SHANK2: variants seen among roughly 807,000 people sequenced by gnomAD.
SHANK2 encodes SH3 and multiple ankyrin repeat domains 2.
In SHANK2, 43 loss-of-function variants were observed where a neutral mutation model predicts 133.7. That is an observed-to-expected ratio of 0.32 (90% CI 0.25 to 0.41). The LOEUF is 0.41. Ranked by LOEUF, SHANK2 falls within the 10% of genes least tolerant of loss-of-function variation. The pLI is 1.00. For missense variants in SHANK2, 1,994 were observed against 2,235.8 expected, an observed-to-expected ratio of 0.89 and a Z score of 2.18; for synonymous variants, 1,017 against 952.8, an observed-to-expected ratio of 1.07 and a Z score of -1.24.
intron 5 of SHANK2, among the ~76,000 whole-genome samples, chr11:71,110,471 T>C (rs1951875927): frequency 6.6e-6 from 1 of 151,732 alleles, no homozygotes; most frequent in Admixed American, 6.6e-5. Flanking sequence ...TAGCTAGACG[T>C]GGTGGCACAT....
Position 71,073,136 on chromosome 11 carries a change from C to CTTTTCT in SHANK2, c.1029+2022_1029+2023insAGAAAA, listed in dbSNP as rs1951164763. 9.7e-5 allele frequency among the ~76,000 whole-genome samples: 7 copies of CTTTTCT among 72,330 alleles called. 1 individual carries two copies. Among genetic ancestry groups the CTTTTCT allele is most frequent in the Non-Finnish European group, 2.1e-4 (6 of 28,914 alleles). The allele number at this position is 72,330 out of a possible 152,430, so 47.5% of individuals were successfully genotyped here. On this transcript the variant is annotated intron_variant, in intron 9 of 25. Transcript: ENST00000601538. ...GGAAGGCTTGCTTTTTGTTTTTTTTCTTTTTCTTTTCTTTTTTTTCTTTTT... is the reference window on the plus strand; with the variant it reads ...GGAAGGCTTGCTTTTTGTTTTTTTTCTTTTCTTTTTTCTTTTCTTTTTTTTCTTTTT...
intron 17 of SHANK2, among the ~76,000 whole-genome samples, chr11:70,636,161 A>C (rs1459108109): frequency 3.3e-5 from 5 of 152,246 alleles, no homozygotes; most frequent in African/African-American, 1.2e-4. Context: ...GCTGCACAGC[A>C]TCCTAGTGTG....
chr11:71,113,699 T>A (rs1257169282), intron 4 of SHANK2, among the ~76,000 whole-genome samples: 1 of 152,152 alleles, frequency 6.6e-6, no homozygotes, highest in Non-Finnish European at 1.5e-5. Context: ...CCCAGGGGAA[T>A]GGATCAGCCC....
intron 17 of SHANK2, among the ~76,000 whole-genome samples, chr11:70,612,500 G>A (rs957206119): frequency 3.9e-5 from 6 of 152,214 alleles, no homozygotes; most frequent in African/African-American, 1.4e-4. Flanking sequence ...TGCCTTCTTT[G>A]TACAATTACG....
intron 17 of SHANK2, among the ~76,000 whole-genome samples, chr11:70,538,585 A>C (rs782258914): frequency 1.3e-4 from 20 of 152,212 alleles, no homozygotes; most frequent in Admixed American, 1.3e-4. Context: ...AGGAGGAAGG[A>C]GCAGGATAAC....
intron 2 of SHANK2, among the ~76,000 whole-genome samples, chr11:71,222,034 CG>C (rs1954551668): frequency 6.6e-6 from 1 of 152,046 alleles, no homozygotes; most frequent in Non-Finnish European, 1.5e-5. Context: ...TGAGCATGGC[CG>C]GGTTGGTGAT....
At chr11:70,581,772 A>T (rs1426789435) in intron 17 of SHANK2, among the ~76,000 whole-genome samples, 3 of 152,156 alleles carry the variant, frequency 2.0e-5, no homozygotes, top group African/African-American at 7.2e-5. Context: ...GCAGCATTCC[A>T]TGAGTATAGA....
intron 1 of SHANK2, among the ~76,000 whole-genome samples, chr11:71,238,822 C>A (rs1221269716): frequency 6.6e-6 from 1 of 152,222 alleles, no homozygotes; most frequent in Non-Finnish European, 1.5e-5. Context: ...GCTGACTGCA[C>A]CTGCCACAGA....
intron 1 of SHANK2, among the ~76,000 whole-genome samples, chr11:71,225,251 G>A (rs551293121): frequency 2.6e-5 from 4 of 152,208 alleles, no homozygotes; most frequent in Non-Finnish European, 5.9e-5. Context: ...AGAAAAATCT[G>A]TGGCCTCAGC....
intron 10 of SHANK2, among the ~76,000 whole-genome samples, chr11:70,938,041 C>T (rs1475964106): frequency 1.3e-5 from 2 of 152,188 alleles, no homozygotes; most frequent in African/African-American, 4.8e-5. Flanking sequence ...GCATGTCCTT[C>T]TCCAGCTTCT....
At chr11:71,248,593 A>G (rs927269312) in intron 1 of SHANK2, among the ~76,000 whole-genome samples, 5 of 152,178 alleles carry the variant, frequency 3.3e-5, no homozygotes, top group Admixed American at 3.3e-4. Context: ...AATAAATAGC[A>G]AGAGTGTGGC....
intron 10 of SHANK2, among the ~76,000 whole-genome samples, chr11:70,897,531 C>T (rs888621836): frequency 6.6e-6 from 1 of 152,214 alleles, no homozygotes. Context: ...AATTGGCCAA[C>T]CTCATAATTA....
intron 2 of SHANK2, among the ~76,000 whole-genome samples, chr11:71,207,842 G>A (rs1203071149): frequency 6.6e-6 from 1 of 152,150 alleles, no homozygotes. Flanking sequence ...TCTCTGGAAG[G>A]TGGCACACTC....
At chr11:71,115,739 G>A (rs56220831) in intron 4 of SHANK2, among the ~76,000 whole-genome samples, 1,842 of 152,256 alleles carry the variant, frequency 0.012, 12 homozygotes, top group East Asian at 0.02. Flanking sequence ...CAGATGTAGA[G>A]GAGACTCCCA....
chr11:70,728,121 C>T lies in SHANK2; in HGVS notation c.1778-29358G>A, dbSNP rs74981581. ...TATGCGGAGCCTACAGCTTCCCTGG[C>T]GGCTCCCTGTTGACTGTCACCATAG... On this transcript the variant is annotated intron_variant, in intron 14 of 25. Coordinates refer to ENST00000601538, the MANE Select transcript of SHANK2 (RefSeq NM_012309.5). Among the ~76,000 whole-genome samples the T allele has an allele frequency of 3.4e-4, 52 of 152,270 alleles. No individual in the cohort carries two copies. The East Asian group carries it at 8.3e-3, about 24-fold the overall frequency.
At chr11:71,162,126 C>T (rs1221834461) in intron 2 of SHANK2, among the ~76,000 whole-genome samples, 1 of 152,288 alleles carries the variant, frequency 6.6e-6, no homozygotes, top group South Asian at 2.1e-4. Context: ...AGCTTAAATG[C>T]CACTGTCTTA....
intron 14 of SHANK2, among the ~76,000 whole-genome samples, chr11:70,734,793 G>A (rs1591797480): frequency 6.6e-6 from 1 of 152,198 alleles, no homozygotes; most frequent in Non-Finnish European, 1.5e-5. Flanking sequence ...TGCTGGCCCC[G>A]AGGGCCTACC....
chr11:70,579,991 T>C (rs955549844), intron 17 of SHANK2, among the ~76,000 whole-genome samples: 1 of 152,208 alleles, frequency 6.6e-6, no homozygotes, highest in Non-Finnish European at 1.5e-5. Context: ...AAACCAGCCC[T>C]GACCACACCT....
intron 14 of SHANK2, among the ~76,000 whole-genome samples, chr11:70,779,261 G>A (rs1257657605): frequency 6.6e-6 from 1 of 151,292 alleles, no homozygotes; most frequent in East Asian, 1.9e-4. Flanking sequence ...AGTGGCATAC[G>A]AGACAGAAAG....
Sources: allele counts gnomAD v4.1 joint callset (sites outside exome capture counted in the v4.1 genomes callset), GRCh38; gene constraint gnomAD v4.1.1; transcripts MANE v1.5; gene names NCBI Gene and HGNC (gene_info 2026-07-23, HGNC 2026-07-21).